Variants in TENM2 observed in about 807,000 individuals in gnomAD.
TENM2 encodes the protein teneurin transmembrane protein 2.
In TENM2, 52 loss-of-function variants were observed where a neutral mutation model predicts 245.2. The ratio of observed to expected loss-of-function variants is 0.21; its 90% CI spans 0.17 to 0.27. The LOEUF (loss-of-function observed/expected upper bound fraction) is 0.27, where lower values mean the gene tolerates loss of function less well. Ranked by LOEUF, TENM2 falls within the 10% of genes least tolerant of loss-of-function variation. The pLI is 1.00. For missense variants in TENM2, 3,046 were observed against 3,666.8 expected, an observed-to-expected ratio of 0.83 and a Z score of 4.37; for synonymous variants, 1,363 against 1,438.9, an observed-to-expected ratio of 0.95 and a Z score of 1.19.
chr5:167,637,164 C>T (rs994046837), intron 2 of TENM2, among the ~76,000 whole-genome samples: 12 of 152,218 alleles, frequency 7.9e-5, no homozygotes, highest in Non-Finnish European at 1.3e-4. Context: ...ACACTAAGAA[C>T]GATGTGTTTG....
chr5:166,994,636 T>C, the TENM2 span, among the ~76,000 whole-genome samples: 1 of 152,214 alleles, frequency 6.6e-6, no homozygotes, highest in Non-Finnish European at 1.5e-5. Flanking sequence ...GGTGTATGTC[T>C]GGGGGAAAGG....
chr5:167,458,506 A>C (rs1052985167), intron 2 of TENM2, among the ~76,000 whole-genome samples: 53 of 149,528 alleles, frequency 3.5e-4, no homozygotes, highest in African/African-American at 1.1e-3. Context: ...AAAAAAAAAA[A>C]AAAAAAAAAA....
At chr5:167,770,437 G>C (rs929421969) in intron 2 of TENM2, among the ~76,000 whole-genome samples, 1 of 152,158 alleles carries the variant, frequency 6.6e-6, no homozygotes, top group Non-Finnish European at 1.5e-5. Context: ...GTCCACCTAA[G>C]CAATGTTAGG....
At chr5:167,438,447 A>C (rs1388194224) in intron 2 of TENM2, among the ~76,000 whole-genome samples, 10 of 152,224 alleles carry the variant, frequency 6.6e-5, no homozygotes, top group Admixed American at 3.3e-4. Context: ...GCTGGAGTGC[A>C]GTGGCGCCAT....
the TENM2 span, among the ~76,000 whole-genome samples, chr5:166,984,658 A>G: frequency 6.6e-6 from 1 of 152,116 alleles, no homozygotes; most frequent in African/African-American, 2.4e-5. Flanking sequence ...TTAGGTTCCT[A>G]GATTGTTTCT....
At chr5:167,830,663 A>T (rs991177267) in intron 2 of TENM2, among the ~76,000 whole-genome samples, 6 of 152,184 alleles carry the variant, frequency 3.9e-5, no homozygotes, top group African/African-American at 1.4e-4. Flanking sequence ...TCAGGCTCAA[A>T]AGTTTATGAC....
At chr5:167,680,611 C>A (rs1756641727) in intron 2 of TENM2, among the ~76,000 whole-genome samples, 1 of 152,044 alleles carries the variant, frequency 6.6e-6, no homozygotes, top group Non-Finnish European at 1.5e-5. Flanking sequence ...TAGACAGGAC[C>A]TAGTTGAGAA....
the TENM2 span, among the ~76,000 whole-genome samples, chr5:167,005,693 A>C: frequency 5.1e-3 from 591 of 114,790 alleles, 6 homozygotes; most frequent in African/African-American, 0.02. Flanking sequence ...ATAGAGTCTC[A>C]CTCTGTTGCC....
chr5:167,405,818 C>A (rs1762610254), intron 2 of TENM2, among the ~76,000 whole-genome samples: 1 of 133,928 alleles, frequency 7.5e-6, no homozygotes, highest in Non-Finnish European at 1.7e-5. Context: ...AGATGCCAAC[C>A]ATTCCTGAGA....
chr5:167,968,817 T>C (rs1342859934), intron 4 of TENM2, among the ~76,000 whole-genome samples: 1 of 152,088 alleles, frequency 6.6e-6, no homozygotes, highest in Non-Finnish European at 1.5e-5. Context: ...TCTAAGGAGC[T>C]CTACTCTCCC....
At chr5:167,766,040 C>G (rs1384545848) in intron 2 of TENM2, among the ~76,000 whole-genome samples, 1 of 151,762 alleles carries the variant, frequency 6.6e-6, no homozygotes, top group African/African-American at 2.4e-5. Context: ...GAGAGAGAGA[C>G]AATAAAATAA....
At chr5:167,531,175 C>T (rs766053471) in intron 2 of TENM2, among the ~76,000 whole-genome samples, 2 of 152,254 alleles carry the variant, frequency 1.3e-5, no homozygotes, top group Non-Finnish European at 1.5e-5. Context: ...CCCCTTATAC[C>T]TCTCAGATTC....
intron 2 of TENM2, among the ~76,000 whole-genome samples, chr5:167,823,142 T>A (rs1395900976): frequency 2.6e-5 from 4 of 152,072 alleles, no homozygotes; most frequent in Non-Finnish European, 5.9e-5. Flanking sequence ...TAGTTTGCCT[T>A]TGGCCTGTGA....
chr5:167,217,492 G>A, the TENM2 span, among the ~76,000 whole-genome samples: 1 of 151,882 alleles, frequency 6.6e-6, no homozygotes, highest in African/African-American at 2.4e-5. Flanking sequence ...GAGTGAATTG[G>A]TGTCAATGAA....
At chr5:168,231,764 A>G (rs997540233) in intron 25 of TENM2, among the ~76,000 whole-genome samples, 1 of 151,656 alleles carries the variant, frequency 6.6e-6, no homozygotes, top group African/African-American at 2.4e-5. Flanking sequence ...CTACAACAAC[A>G]AACAACAACA....
chr5:167,053,982 C>T, the TENM2 span, among the ~76,000 whole-genome samples: 2 of 152,134 alleles, frequency 1.3e-5, no homozygotes, highest in Admixed American at 1.3e-4. Flanking sequence ...ATTTCTTCCA[C>T]TAGAACATCC....
At chr5:167,107,514 T>C in the TENM2 span, among the ~76,000 whole-genome samples, 543 of 152,264 alleles carry the variant, frequency 3.6e-3, 1 homozygote, top group Non-Finnish European at 5.4e-3. Context: ...TGGTATGATA[T>C]ATAGATAAAA....
chr5:167,573,035 C>T (rs1774381568), intron 2 of TENM2, among the ~76,000 whole-genome samples: 1 of 151,652 alleles, frequency 6.6e-6, no homozygotes, highest in Non-Finnish European at 1.5e-5. Flanking sequence ...AACTAGGAAA[C>T]ACAGGTTTTG....
chr5:168,181,944 TGGGA>T (rs138470790), intron 13 of TENM2, among the ~76,000 whole-genome samples: 6,019 of 152,220 alleles, frequency 0.04, 134 homozygotes, highest in Middle Eastern at 0.085. Flanking sequence ...CCCGAACTGC[TGGGA>T]TTACCGGCGT....
Sources: gnomAD v4.1 joint callset for allele counts (sites outside exome capture counted in the v4.1 genomes callset) on GRCh38, gnomAD v4.1.1 for gene constraint, MANE v1.5 for transcripts, NCBI Gene and HGNC (gene_info 2026-07-23, HGNC 2026-07-21) for gene names.